The following PLPP1 variants were observed in gnomAD, a reference collection of about 807,000 sequenced individuals.
The protein encoded by PLPP1 is lipid phosphate phosphohydrolase 1a.
A neutral mutation model predicts 31.2 loss-of-function variants in PLPP1; 24 were observed. The ratio of observed to expected loss-of-function variants is 0.77; its 90% CI spans 0.56 to 1.08. PLPP1 has a LOEUF of 1.08. Ranked by LOEUF, PLPP1 falls within the 50% of genes least tolerant of loss-of-function variation. PLPP1 has a pLI of 0.00. For missense variants in PLPP1, 319 were observed against 342.7 expected (o/e 0.93, Z 0.55); for synonymous variants, 146 against 126.3 (o/e 1.16, Z -1.05).
At position 55,425,917 on chromosome 5, in the gene PLPP1, G is replaced by A. The variant is rs1751174797; in HGVS notation, c.672C>T (p.His224=). The A allele has an allele frequency of 6.2e-7, 1 of 1,613,864 alleles. No homozygotes were observed. Among genetic ancestry groups the A allele is most frequent in the African/African-American group, 1.3e-5 (1 of 74,992 alleles). The part of the protein sequence containing the change: ...GLSRVSDYKH[H]WSDVLTGLIQ... ...TGAGTCCAGTCAACACATCGCTCCA[G>A]TGGTGTTTATAATCAGAAACTCGAG... Residue 224 remains histidine, a synonymous_variant, in exon 5 of 6, where the codon CAC becomes CAT. Coordinates refer to ENST00000307259, the MANE Select transcript of PLPP1 (RefSeq NM_003711.4).
chr5:55,501,469 G>A, intron 1 of PLPP1, among the ~76,000 whole-genome samples: 1 of 55,434 alleles, frequency 1.8e-5, no homozygotes, highest in South Asian at 7.2e-4. Flanking sequence ...AGAGATCTAT[G>A]ATGATTTCCT....
At chr5:55,486,330 A>G (rs995649748) in intron 1 of PLPP1, among the ~76,000 whole-genome samples, 4 of 152,134 alleles carry the variant, frequency 2.6e-5, no homozygotes, top group African/African-American at 9.7e-5. Flanking sequence ...CACACCTGTA[A>G]TCTCAGCACT....
In PLPP1 at chr5:55,436,295, G is replaced by C. The variant is rs185562879; in HGVS notation, c.549+5556C>G. Reference sequence around the variant, plus strand: ...TCTTGAATTCCCACATGTTGTGGGAGGGACCCAGTGGGAGGTAACTGAATC... The same window carrying C: ...TCTTGAATTCCCACATGTTGTGGGACGGACCCAGTGGGAGGTAACTGAATC... On this transcript the variant is annotated intron_variant, in intron 4 of 5. Coordinates refer to ENST00000307259, the MANE Select transcript of PLPP1 (RefSeq NM_003711.4). 4.8e-3 allele frequency among the ~76,000 whole-genome samples: 728 copies of C among 152,260 alleles called. 2 individuals carry two copies. The highest frequency in any genetic ancestry group is 0.017 in the African/African-American group (702 of 41,536).
intron 1 of PLPP1, among the ~76,000 whole-genome samples, chr5:55,526,239 T>C (rs1223576376): frequency 6.6e-6 from 1 of 152,220 alleles, no homozygotes; most frequent in Non-Finnish European, 1.5e-5. Flanking sequence ...CCATAGCACA[T>C]TCTTGAGTTT....
chr5:55,459,780 GCTACATT>G (rs1752111158), intron 3 of PLPP1, among the ~76,000 whole-genome samples: 1 of 152,078 alleles, frequency 6.6e-6, no homozygotes, highest in Non-Finnish European at 1.5e-5. Flanking sequence ...TTCAATAACA[GCTACATT>G]GAGCATGCCT....
chr5:55,512,723 T>TACACACACACACACACAC (rs71600885), intron 1 of PLPP1, among the ~76,000 whole-genome samples: 7 of 43,132 alleles, frequency 1.6e-4, no homozygotes, highest in African/African-American at 3.4e-4. Context: ...CATTATAAAC[T>TACACACACACACACACAC]ACACACACAC....
intron 1 of PLPP1, among the ~76,000 whole-genome samples, chr5:55,509,704 G>A (rs1231439211): frequency 2.6e-5 from 4 of 152,054 alleles, no homozygotes; most frequent in African/African-American, 9.7e-5. Context: ...AGCTATTAGG[G>A]CAAGTTACTT....
Position 55,467,964 on chromosome 5 carries a change from A to T in PLPP1, c.396T>A (p.Asp132Glu), listed in dbSNP as rs1224589735. The change falls in exon 3 of 6, where the codon GAT becomes GAA. Residue 132 changes from aspartate to glutamate, a missense_variant. Coordinates refer to ENST00000307259, the MANE Select transcript of PLPP1 (RefSeq NM_003711.4). ...SIGRLRPHFL[D>E]VCDPDWSKIN... ...TTTTTGACCAATCTGGATCACAAAC[A>T]TCCAAGAAGTGAGGCCGCAGTCTGC... is the stretch of plus-strand genomic sequence containing the variant. 1 of 1,614,218 alleles carries T rather than the reference A, an allele frequency of 6.2e-7. No homozygotes were observed. The highest frequency in any genetic ancestry group is 8.5e-7 in the Non-Finnish European group (1 of 1,180,018).
At chr5:55,489,117 G>C (rs1752834292) in intron 1 of PLPP1, among the ~76,000 whole-genome samples, 1 of 152,142 alleles carries the variant, frequency 6.6e-6, no homozygotes, top group Admixed American at 6.5e-5. Context: ...AAAATCACCT[G>C]AACCTGGGAG....
chr5:55,441,553 G>C (rs536167627), intron 4 of PLPP1, among the ~76,000 whole-genome samples: 5 of 152,134 alleles, frequency 3.3e-5, no homozygotes, highest in Admixed American at 1.3e-4. Context: ...CAGATGAGGA[G>C]AGTGGCTCCC....
chr5:55,427,710 T>C (rs1297546086), intron 4 of PLPP1, among the ~76,000 whole-genome samples: 1 of 147,288 alleles, frequency 6.8e-6, no homozygotes, highest in East Asian at 2.0e-4. Flanking sequence ...TTCCCCAACA[T>C]GCCAGTGAAA....
Position 55,448,748 on chromosome 5 carries a change from G to A in PLPP1, c.492-6840C>T, listed in dbSNP as rs978987703. Among the ~76,000 whole-genome samples, 5 of 151,998 alleles carry A rather than the reference G, an allele frequency of 3.3e-5. No homozygotes were observed. The East Asian group carries it at 5.8e-4, about 18-fold the overall frequency. ...CAGGCATGAGCCTCCGCACCCAGCC[G>A]ATTCTACTAGCATTATTCTGAATAC... On this transcript the variant is annotated intron_variant, in intron 3 of 5. Coordinates refer to ENST00000307259, the MANE Select transcript of PLPP1 (RefSeq NM_003711.4).
chr5:55,512,574 A>AAGGT (rs1217647780), intron 1 of PLPP1, among the ~76,000 whole-genome samples: 2 of 150,862 alleles, frequency 1.3e-5, no homozygotes, highest in African/African-American at 4.9e-5. Context: ...GAAAGAAAGA[A>AAGGT]AGGTAACATA....
chr5:55,470,665 ATG>A (rs1752396358), intron 2 of PLPP1, among the ~76,000 whole-genome samples: 1 of 152,208 alleles, frequency 6.6e-6, no homozygotes, highest in African/African-American at 2.4e-5. Flanking sequence ...AAATGCAGAG[ATG>A]TGTCTGCCCA....
intron 3 of PLPP1, 139 bp from the exon 4 acceptor site, chr5:55,442,047 G>T: frequency 1.3e-6 from 1 of 741,366 alleles, no homozygotes; most frequent in Non-Finnish European, 2.3e-6. Context: ...GTACGGCAGG[G>T]GGACAATTAG....
chr5:55,500,922 T>C (rs745327787), intron 1 of PLPP1, among the ~76,000 whole-genome samples: 1 of 152,218 alleles, frequency 6.6e-6, no homozygotes, highest in Non-Finnish European at 1.5e-5. Flanking sequence ...ATACTATCCT[T>C]TTCCTTGTAA....
chr5:55,504,742 G>C (rs1002090571), intron 1 of PLPP1, among the ~76,000 whole-genome samples: 1 of 151,226 alleles, frequency 6.6e-6, no homozygotes, highest in Non-Finnish European at 1.5e-5. Flanking sequence ...AGCAGAATAT[G>C]ACTTCACAGA....
rs1221340983 is a variant in PLPP1, at chr5:55,464,745, A to G, written c.491+3124T>C. Among the ~76,000 whole-genome samples, 3 of 152,214 alleles carry G rather than the reference A, an allele frequency of 2.0e-5. No individual in the cohort carries two copies. In the East Asian group the frequency reaches 5.8e-4, roughly 29 times the overall value. ...AAGTACTCACTGTAGGATTCCTTTT[A>G]TATAATACTCTAGAAAACACAAAAC... On this transcript the variant is annotated intron_variant, in intron 3 of 5. Transcript: ENST00000307259.
At chr5:55,525,046 G>A (rs1473106888) in intron 1 of PLPP1, among the ~76,000 whole-genome samples, 1 of 152,160 alleles carries the variant, frequency 6.6e-6, no homozygotes, top group Non-Finnish European at 1.5e-5. Context: ...CCACTACTTA[G>A]AAATCATGTA....
Sources: allele counts gnomAD v4.1 joint callset (sites outside exome capture counted in the v4.1 genomes callset), GRCh38; gene constraint gnomAD v4.1.1; transcripts MANE v1.5; gene names NCBI Gene and HGNC (gene_info 2026-07-23, HGNC 2026-07-21).